SYCP1: variants seen among roughly 807,000 people sequenced by gnomAD.
SYCP1 encodes synaptonemal complex protein 1.
In SYCP1, 64 loss-of-function variants were observed where a neutral mutation model predicts 153.1. The observed-to-expected ratio is 0.42, with a 90% CI of 0.34 to 0.51. SYCP1 has a LOEUF of 0.51. Ranked by LOEUF, SYCP1 falls within the 20% of genes least tolerant of loss-of-function variation. The pLI is 0.06. For missense variants in SYCP1, 997 were observed against 1,049.0 expected, an observed-to-expected ratio of 0.95 and a Z score of 0.68; for synonymous variants, 384 against 341.8, an observed-to-expected ratio of 1.12 and a Z score of -1.36.
intron 23 of SYCP1, among the ~76,000 whole-genome samples, chr1:114,941,758 A>C (rs1179994332): frequency 6.6e-6 from 1 of 152,124 alleles, no homozygotes; most frequent in African/African-American, 2.4e-5. Context: ...CCAAGTCCAA[A>C]ACTTTATAGC....
chr1:114,870,630 C>T (rs111544846), intron 8 of SYCP1, among the ~76,000 whole-genome samples: 8 of 152,100 alleles, frequency 5.3e-5, no homozygotes, highest in African/African-American at 1.7e-4. Context: ...TTCTCATTCT[C>T]TTGACATTCT....
chr1:114,947,506 G>T (rs117125080), intron 27 of SYCP1, among the ~76,000 whole-genome samples, 186 bp downstream of exon 27: 1 of 151,954 alleles, frequency 6.6e-6, no homozygotes, highest in Non-Finnish European at 1.5e-5. Flanking sequence ...CAAAACACAC[G>T]TAAATATAAG....
intron 8 of SYCP1, among the ~76,000 whole-genome samples, chr1:114,863,611 TTAA>T (rs1024976495): frequency 6.6e-6 from 1 of 152,148 alleles, no homozygotes; most frequent in Non-Finnish European, 1.5e-5. Flanking sequence ...TCCTGGCATT[TTAA>T]TAATTGCCAT....
At chr1:114,971,599 G>A (rs1672492833) in intron 27 of SYCP1, among the ~76,000 whole-genome samples, 1 of 152,148 alleles carries the variant, frequency 6.6e-6, no homozygotes, top group African/African-American at 2.4e-5. Context: ...ATTATGTTGA[G>A]ATACATTCCT....
intron 22 of SYCP1, 71 bp downstream of exon 22, chr1:114,926,411 T>C (rs1190921188): frequency 1.3e-6 from 2 of 1,485,612 alleles, no homozygotes; most frequent in Admixed American, 2.3e-5. Flanking sequence ...AATAATGCTT[T>C]CCCTTCCTTT....
chr1:114,941,372 T>C (rs1670374342), intron 23 of SYCP1, among the ~76,000 whole-genome samples: 1 of 152,166 alleles, frequency 6.6e-6, no homozygotes, highest in African/African-American at 2.4e-5. Context: ...AGTTTTTATG[T>C]TATTATTATA....
At chr1:114,977,917 CTG>C (rs916660296) in intron 28 of SYCP1, among the ~76,000 whole-genome samples, 1 of 151,356 alleles carries the variant, frequency 6.6e-6, no homozygotes, top group Non-Finnish European at 1.5e-5. Flanking sequence ...TTAGGTACCT[CTG>C]TGTTTCTCTC....
intron 23 of SYCP1, among the ~76,000 whole-genome samples, chr1:114,944,017 A>C (rs1255290828): frequency 6.6e-6 from 1 of 151,916 alleles, no homozygotes; most frequent in Non-Finnish European, 1.5e-5. Flanking sequence ...TTTCTGTACA[A>C]TGGAAATACT....
chr1:114,954,323 C>G (rs1206182929), intron 27 of SYCP1, among the ~76,000 whole-genome samples: 2 of 151,864 alleles, frequency 1.3e-5, no homozygotes, highest in Non-Finnish European at 2.9e-5. Flanking sequence ...TTCCTATATG[C>G]TTATCATTAG....
At chr1:114,876,698 A>G in intron 10 of SYCP1, 39 bp from the exon 11 acceptor site, 1 of 1,047,082 alleles carries the variant, frequency 9.6e-7, no homozygotes. Context: ...TTATAAAATT[A>G]TGTTATGACA....
At chr1:114,879,340 A>G (rs1250507349) in intron 12 of SYCP1, among the ~76,000 whole-genome samples, 6 of 152,126 alleles carry the variant, frequency 3.9e-5, no homozygotes, top group African/African-American at 1.4e-4. Context: ...CTGCCAATCT[A>G]TACCTGCTAA....
chr1:114,984,668 A>G (rs1673381854), intron 29 of SYCP1, 57 bp from the exon 30 acceptor site: 2 of 1,229,610 alleles, frequency 1.6e-6, no homozygotes, highest in African/African-American at 3.1e-5. Context: ...GAAACCCTTT[A>G]TTAATAATGC....
intron 6 of SYCP1, among the ~76,000 whole-genome samples, chr1:114,859,506 TA>T (rs1664237586): frequency 6.6e-6 from 1 of 152,236 alleles, no homozygotes. Context: ...AATATTGCAT[TA>T]AAATATTGTT....
At chr1:114,865,106 A>G (rs1265710918) in intron 8 of SYCP1, among the ~76,000 whole-genome samples, 1 of 152,172 alleles carries the variant, frequency 6.6e-6, no homozygotes, top group Non-Finnish European at 1.5e-5. Flanking sequence ...CACTTTCCAG[A>G]ATTTTAAGTT....
At chr1:114,904,493 C>G (rs935229877) in intron 16 of SYCP1, among the ~76,000 whole-genome samples, 1 of 152,124 alleles carries the variant, frequency 6.6e-6, no homozygotes, top group African/African-American at 2.4e-5. Flanking sequence ...TAGATTAATT[C>G]AGGTTGAACT....
intron 22 of SYCP1, 68 bp from the exon 23 acceptor site, chr1:114,926,433 T>C (rs1669251577): frequency 7.4e-6 from 11 of 1,494,600 alleles, no homozygotes; most frequent in African/African-American, 5.7e-5. Context: ...GTAATTTAAG[T>C]CTAAGTCAGT....
intron 27 of SYCP1, among the ~76,000 whole-genome samples, chr1:114,965,054 C>T (rs930934000): frequency 2.6e-5 from 4 of 151,890 alleles, no homozygotes; most frequent in Non-Finnish European, 5.9e-5. Context: ...AGTGGTTTGT[C>T]GTTCTCCTTG....
intron 30 of SYCP1, among the ~76,000 whole-genome samples, chr1:114,989,308 A>G (rs1460294920): frequency 6.6e-6 from 1 of 152,058 alleles, no homozygotes; most frequent in African/African-American, 2.4e-5. Context: ...AGGAAGTTAA[A>G]TGTAATCTCC....
chr1:114,902,169 G>A (rs776396660), intron 16 of SYCP1, among the ~76,000 whole-genome samples: 5 of 152,130 alleles, frequency 3.3e-5, no homozygotes, highest in Non-Finnish European at 5.9e-5. Flanking sequence ...CCATGGAAAG[G>A]CTGGGTTGGA....
Sources: allele counts gnomAD v4.1 joint callset (sites outside exome capture counted in the v4.1 genomes callset), GRCh38; gene constraint gnomAD v4.1.1; transcripts MANE v1.5; gene names NCBI Gene and HGNC (gene_info 2026-07-23, HGNC 2026-07-21).